BRWD3: variants seen among roughly 807,000 people sequenced by gnomAD.
BRWD3 encodes bromodomain and WD repeat domain containing 3, also known as bromodomain and WD repeat-containing protein 3.
In BRWD3, 10 loss-of-function variants were observed where a neutral mutation model predicts 149.7. That is an observed-to-expected ratio of 0.07 (90% CI 0.04 to 0.11). The LOEUF (loss-of-function observed/expected upper bound fraction) is 0.11. Among genes scored for constraint, BRWD3 ranks in the 10% least tolerant of loss-of-function variants. The probability of loss-of-function intolerance (pLI) is 1.00; values close to 1 mark genes in which losing one functional copy is unlikely to be tolerated. For missense variants in BRWD3, 940 were observed against 1,373.2 expected (o/e 0.68, Z 4.99); for synonymous variants, 504 against 456.7 (o/e 1.10, Z -1.32).
At chrX:80,714,381 A>G (rs2073045768) in intron 20 of BRWD3, among the ~76,000 whole-genome samples, 1 of 108,936 alleles carries the variant, frequency 9.2e-6, no homozygotes, top group Admixed American at 9.8e-5. Context: ...ACAGACATGC[A>G]CCACCACACC....
At chrX:80,807,886 T>C (rs1020664702) in intron 4 of BRWD3, among the ~76,000 whole-genome samples, 2 of 111,822 alleles carry the variant, frequency 1.8e-5, no homozygotes, top group Non-Finnish European at 3.8e-5. Flanking sequence ...GATAATTGAA[T>C]GAGCTTATAA....
intron 18 of BRWD3, among the ~76,000 whole-genome samples, chrX:80,718,243 C>T (rs890566665): frequency 3.6e-5 from 4 of 110,974 alleles, no homozygotes; most frequent in Non-Finnish European, 5.7e-5. Flanking sequence ...TGATGAGCAA[C>T]GAAAGAAAGA....
In BRWD3 at chrX:80,809,695, G is replaced by A. The variant is rs2074389493; in HGVS notation, c.-224C>T. The A allele has an allele frequency of 2.5e-6, 1 of 397,244 alleles. No homozygotes were observed. The highest frequency in any genetic ancestry group is 4.3e-6 in the Non-Finnish European group (1 of 232,168). 32.7% of individuals were successfully genotyped at this position (397,244 alleles called of 1,213,427 possible). On this transcript the variant is annotated 5_prime_UTR_variant, in exon 1 of 41. Transcript: ENST00000373275. ...GGCGGAGGAGGAAGGAGAGGAGAGG[G>A]AGAGGGAGAGAGAGAGTGAGTGAGT...
At chrX:80,749,532 T>C (rs1348619792) in intron 6 of BRWD3, among the ~76,000 whole-genome samples, 1 of 111,442 alleles carries the variant, frequency 9.0e-6, no homozygotes, top group Non-Finnish European at 1.9e-5. Context: ...TCCATTTGTA[T>C]GGAACATATT....
intron 6 of BRWD3, among the ~76,000 whole-genome samples, chrX:80,775,855 AT>A (rs2073995603): frequency 8.9e-6 from 1 of 112,230 alleles, no homozygotes; most frequent in Non-Finnish European, 1.9e-5. Context: ...TTTTCATAAC[AT>A]TTTAAAGCTT....
Position 80,700,385 on chromosome X carries a change from A to G in BRWD3, c.2836-321T>C, listed in dbSNP as rs866531693. 9.3e-4 allele frequency among the ~76,000 whole-genome samples: 71 copies of G among 75,962 alleles called. 1 individual carries two copies. The highest frequency in any genetic ancestry group is 1.7e-3 in the Non-Finnish European group (65 of 37,539). 66.0% of individuals were successfully genotyped at this position (75,962 alleles called of 115,157 possible). ...AAAGTATATGTGCCCCTCCATATCC[A>G]CAGCTTCTGCATCAACAAATCCAAT... On this transcript the variant is annotated intron_variant, in intron 24 of 40. Transcript: ENST00000373275.
At chrX:80,768,217 G>T (rs1434368653) in intron 6 of BRWD3, among the ~76,000 whole-genome samples, 1 of 110,920 alleles carries the variant, frequency 9.0e-6, no homozygotes, top group Non-Finnish European at 1.9e-5. Context: ...TCAAATTCAG[G>T]AAATAGAGAG....
intron 6 of BRWD3, among the ~76,000 whole-genome samples, chrX:80,780,438 A>G (rs777938655): frequency 9.0e-6 from 1 of 111,635 alleles, no homozygotes; most frequent in South Asian, 3.7e-4. Flanking sequence ...TATTACTACA[A>G]TACTGATTTC....
chrX:80,696,653 C>T (rs1373101206), intron 26 of BRWD3, 86 bp downstream of exon 26: 2 of 1,045,482 alleles, frequency 1.9e-6, no homozygotes, highest in Admixed American at 2.2e-5. Context: ...ATAGTGTTTT[C>T]TCTCCCATTG....
chrX:80,691,762 ACTT>A lies in BRWD3; in HGVS notation c.3481+58_3481+60del, dbSNP rs1006923827. 23 of 1,179,350 alleles carry A rather than the reference ACTT, an allele frequency of 2.0e-5. No individual in the cohort carries two copies. The African/African-American group carries it at 4.1e-4, about 21-fold the overall frequency. On this transcript the variant is annotated intron_variant, in intron 30 of 40. Transcript: ENST00000373275. Reference sequence around the variant, plus strand: ...TGCATATCCTTCTGTAGAACTTAAAACTTCTGCTGATTTTCCTAGCTCTCTTGC... The same window carrying A: ...TGCATATCCTTCTGTAGAACTTAAAACTGCTGATTTTCCTAGCTCTCTTGC...
At chrX:80,770,447 A>G (rs2073928319) in intron 6 of BRWD3, among the ~76,000 whole-genome samples, 1 of 112,012 alleles carries the variant, frequency 8.9e-6, no homozygotes, top group Admixed American at 9.5e-5. Flanking sequence ...CTGGTTCAGC[A>G]TACGCAAATC....
intron 14 of BRWD3, among the ~76,000 whole-genome samples, chrX:80,726,099 CAT>C (rs1394210533): frequency 1.8e-5 from 2 of 108,523 alleles, no homozygotes; most frequent in Non-Finnish European, 3.9e-5. Context: ...AACATGTTTA[CAT>C]GTTATGTGTC....
intron 6 of BRWD3, among the ~76,000 whole-genome samples, chrX:80,756,089 G>A (rs939176579): frequency 9.0e-6 from 1 of 111,724 alleles, no homozygotes; most frequent in Admixed American, 9.5e-5. Flanking sequence ...CATAAGGTAT[G>A]ACATATATCA....
rs755833605 is a variant in BRWD3, at chrX:80,719,608, T to C, written c.1925A>G (p.Gln642Arg). The C allele has an allele frequency of 3.3e-6, 4 of 1,210,951 alleles. No individual in the cohort carries two copies. Among genetic ancestry groups the C allele is most frequent in the Non-Finnish European group, 4.5e-6 (4 of 894,971 alleles). Residue 642 changes from glutamine to arginine, a missense_variant, in exon 18 of 41, where the codon CAA becomes CGA. Gln to Arg is a conservative substitution (Grantham distance 43, BLOSUM62 1). Coordinates refer to ENST00000373275, the MANE Select transcript of BRWD3 (RefSeq NM_153252.5). ...EQVIGQQTNDQDESILDGIIR... is the reference protein window; with the variant it reads ...EQVIGQQTNDRDESILDGIIR... The stretch of plus-strand genomic sequence containing the variant: ...TATTCCATCAAGAATGCTCTCATCT[T>C]GGTCATTGGTTTGCTGCCCAATTAC...
chrX:80,682,198 G>GACCTT, intron 38 of BRWD3, 104 bp from the exon 39 acceptor site: 2 of 678,764 alleles, frequency 2.9e-6, no homozygotes, highest in African/African-American at 2.2e-5. Flanking sequence ...GGTATTAGCT[G>GACCTT]GCCAAAGAAG....
intron 7 of BRWD3, 151 bp from the exon 8 acceptor site, chrX:80,744,404 A>G (rs2073562545): frequency 2.2e-6 from 1 of 461,757 alleles, no homozygotes; most frequent in Admixed American, 3.7e-5. Context: ...TCCAGTAGCA[A>G]GTATAAATGA....
intron 6 of BRWD3, among the ~76,000 whole-genome samples, chrX:80,790,618 T>C (rs777642979): frequency 9.9e-5 from 11 of 110,968 alleles, no homozygotes; most frequent in African/African-American, 3.6e-4. Flanking sequence ...TTTGAAAGTA[T>C]ATGCTTAGTT....
chrX:80,712,157 T>C (rs963399827), intron 20 of BRWD3, among the ~76,000 whole-genome samples: 1 of 110,824 alleles, frequency 9.0e-6, no homozygotes, highest in African/African-American at 3.3e-5. Flanking sequence ...AATGAAATGC[T>C]CTCCCCTCTC....
chrX:80,745,545 C>T (rs1166717876), intron 7 of BRWD3, 24 bp downstream of exon 7: 2 of 1,176,110 alleles, frequency 1.7e-6, no homozygotes, highest in Non-Finnish European at 2.3e-6. Flanking sequence ...ATATATGTTA[C>T]CATATTATAA....
Sources: allele counts gnomAD v4.1 joint callset (sites outside exome capture counted in the v4.1 genomes callset), GRCh38; gene constraint gnomAD v4.1.1; transcripts MANE v1.5; gene names NCBI Gene and HGNC (gene_info 2026-07-23, HGNC 2026-07-21).